ATRX: variants seen among roughly 807,000 people sequenced by gnomAD.
ATRX encodes ATRX chromatin remodeler, also known as chromatin remodeler ATRX.
Under a neutral mutation model 172.6 loss-of-function variants are expected in ATRX, and 12 were observed. That is an observed-to-expected ratio of 0.07 (90% CI 0.04 to 0.11). The LOEUF is 0.11. Among genes scored for constraint, ATRX ranks in the 10% least tolerant of loss-of-function variants. ATRX has a pLI of 1.00. For synonymous variants in ATRX, 674 were observed against 594.7 expected (o/e 1.13, Z -1.94); for missense variants, 1,368 against 1,767.4 (o/e 0.77, Z 4.05).
chrX:77,759,275 G>C (rs2075627492), intron 1 of ATRX, among the ~76,000 whole-genome samples: 1 of 111,132 alleles, frequency 9.0e-6, no homozygotes, highest in African/African-American at 3.3e-5. Flanking sequence ...AGAACCATTA[G>C]GGAGAAAGAA....
At chrX:77,716,856 C>T (rs2073459827) in intron 2 of ATRX, among the ~76,000 whole-genome samples, 1 of 112,196 alleles carries the variant, frequency 8.9e-6, no homozygotes, top group African/African-American at 3.2e-5. Context: ...CATTCACTAG[C>T]CATTCTATAA....
chrX:77,572,398 G>C (rs1479192912), intron 28 of ATRX, among the ~76,000 whole-genome samples: 4 of 110,932 alleles, frequency 3.6e-5, no homozygotes, highest in African/African-American at 1.3e-4. Context: ...AAATTCTTCG[G>C]GTCCCTAGCA....
intron 15 of ATRX, among the ~76,000 whole-genome samples, chrX:77,643,176 G>A (rs781884922): frequency 9.1e-6 from 1 of 110,440 alleles, no homozygotes; most frequent in East Asian, 2.9e-4. Flanking sequence ...CTGTCTGAAG[G>A]ATACTTGAAG....
intron 30 of ATRX, among the ~76,000 whole-genome samples, chrX:77,524,198 T>C (rs1007457835): frequency 8.9e-6 from 1 of 112,005 alleles, no homozygotes; most frequent in Non-Finnish European, 1.9e-5. Flanking sequence ...GATATGTTAC[T>C]TTTAATAAAT....
intron 1 of ATRX, among the ~76,000 whole-genome samples, chrX:77,731,665 A>C (rs139191422): frequency 6.2e-4 from 69 of 111,563 alleles, no homozygotes; most frequent in African/African-American, 2.1e-3. Flanking sequence ...TCCTATGCTT[A>C]TAAAGACCCC....
At chrX:77,766,826 G>C (rs1442740135) in intron 1 of ATRX, among the ~76,000 whole-genome samples, 4 of 111,581 alleles carry the variant, frequency 3.6e-5, no homozygotes, top group African/African-American at 6.5e-5. Context: ...GGTGGCGGCC[G>C]GGCAGAGGCT....
At chrX:77,720,606 C>A (rs987717701) in intron 1 of ATRX, among the ~76,000 whole-genome samples, 10 of 111,608 alleles carry the variant, frequency 9.0e-5, no homozygotes, top group Admixed American at 8.6e-4. Flanking sequence ...GACACATACA[C>A]CCTCCGAAGA....
At chrX:77,579,399 G>A (rs782274169) in intron 27 of ATRX, among the ~76,000 whole-genome samples, 5 of 111,165 alleles carry the variant, frequency 4.5e-5, no homozygotes, top group African/African-American at 1.6e-4. Flanking sequence ...GTAGTCACAG[G>A]GGTGCTTGTG....
At chrX:77,549,955 AAAATGAAATGAAATGAAATG>A (rs537966178) in intron 30 of ATRX, among the ~76,000 whole-genome samples, 7 of 111,529 alleles carry the variant, frequency 6.3e-5, no homozygotes, top group African/African-American at 2.3e-4. Flanking sequence ...CCTTGTCTCA[AAAATGAAATGAAATGAAATG>A]AAATGAAATG....
chrX:77,555,097 C>T (rs190137856), intron 30 of ATRX, among the ~76,000 whole-genome samples: 1 of 111,640 alleles, frequency 9.0e-6, no homozygotes, highest in Admixed American at 9.5e-5. Flanking sequence ...TGGTAGCAGT[C>T]CCTAAAGCAT....
At chrX:77,536,946 T>A (rs1443075367) in intron 30 of ATRX, among the ~76,000 whole-genome samples, 8 of 112,010 alleles carry the variant, frequency 7.1e-5, no homozygotes, top group Non-Finnish European at 9.4e-5. Flanking sequence ...GGAATACTGC[T>A]CTCTAATAGT....
chrX:77,517,954 T>A (rs1468176059), intron 34 of ATRX, among the ~76,000 whole-genome samples: 1 of 112,109 alleles, frequency 8.9e-6, no homozygotes, highest in Non-Finnish European at 1.9e-5. Flanking sequence ...AAAAAACATC[T>A]GATAATATTC....
chrX:77,624,157 A>G (rs1322901551), intron 19 of ATRX, among the ~76,000 whole-genome samples: 1 of 111,391 alleles, frequency 9.0e-6, no homozygotes, highest in Non-Finnish European at 1.9e-5. Context: ...CGAGGTCAGG[A>G]GATCGAGACC....
In ATRX at chrX:77,683,769, G is replaced by C. The variant is rs782044908; in HGVS notation, c.1487C>G (p.Ser496Cys). 1 of 1,209,862 alleles carries C rather than the reference G, an allele frequency of 8.3e-7. No individual in the cohort carries two copies. Among genetic ancestry groups the C allele is most frequent in the Non-Finnish European group, 1.1e-6 (1 of 894,034 alleles). ...ATATTGAGGTTCTTCTTTTCTATCA[G>C]ATTTCTTATGTTCACCACCGGTACT... ...NKSTGGEHKK[S>C]DRKEEPQYEP... Residue 496 changes from serine (S) to cysteine (C), a missense_variant, in exon 9 of 35, where the codon TCT becomes TGT. Physicochemically the swap from Ser to Cys is moderately radical, Grantham distance 112 (BLOSUM62 -1). Coordinates refer to ENST00000373344, the MANE Select transcript of ATRX (RefSeq NM_000489.6).
At chrX:77,525,830 T>C (rs1320023608) in intron 30 of ATRX, among the ~76,000 whole-genome samples, 1 of 112,371 alleles carries the variant, frequency 8.9e-6, no homozygotes, top group Non-Finnish European at 1.9e-5. Flanking sequence ...TCTTTGGAAA[T>C]AGACATTGTC....
intron 30 of ATRX, among the ~76,000 whole-genome samples, chrX:77,526,661 A>G (rs2063391663): frequency 8.9e-6 from 1 of 112,718 alleles, no homozygotes; most frequent in African/African-American, 3.2e-5. Context: ...AAAAGAAAAC[A>G]TAAAAACTGA....
intron 11 of ATRX, 127 bp downstream of exon 11, chrX:77,664,518 T>C: frequency 1.0e-6 from 1 of 959,834 alleles, no homozygotes; most frequent in Non-Finnish European, 1.5e-6. Context: ...CCCAAAGTCC[T>C]GAGATTATAG....
At chrX:77,568,062 GAA>G (rs1326553796) in intron 28 of ATRX, among the ~76,000 whole-genome samples, 1 of 101,027 alleles carries the variant, frequency 9.9e-6, no homozygotes, top group African/African-American at 3.6e-5. Context: ...CATGAGAAAA[GAA>G]AAAAAGTCTC....
At chrX:77,641,584 G>GA (rs1218786048) in intron 15 of ATRX, among the ~76,000 whole-genome samples, 612 of 32,740 alleles carry the variant, frequency 0.019, 4 homozygotes, top group African/African-American at 0.028. Context: ...CTCCATCTCA[G>GA]AAAAAAAAAA....
Sources: allele counts gnomAD v4.1 joint callset (sites outside exome capture counted in the v4.1 genomes callset), GRCh38; gene constraint gnomAD v4.1.1; transcripts MANE v1.5; gene names NCBI Gene and HGNC (gene_info 2026-07-23, HGNC 2026-07-21).